Variants in SKOR1 observed in about 807,000 individuals in gnomAD.
SKOR1 encodes the protein SKI family transcriptional corepressor 1.
In SKOR1, 38 loss-of-function variants were observed where a neutral mutation model predicts 72.4. The observed-to-expected ratio is 0.52, with a 90% CI of 0.40 to 0.69. SKOR1 has a LOEUF of 0.69. Among genes scored for constraint, SKOR1 ranks in the 30% least tolerant of loss-of-function variants. The pLI is 0.00. For missense variants in SKOR1, 1,320 were observed against 1,343.2 expected, an observed-to-expected ratio of 0.98 and a Z score of 0.27; for synonymous variants, 642 against 599.4, an observed-to-expected ratio of 1.07 and a Z score of -1.04.
rs1271915058 is a variant in SKOR1, at chr15:67,827,873, C to T, written c.2045C>T (p.Ala682Val). The T allele has an allele frequency of 2.5e-6, 4 of 1,601,184 alleles. No homozygotes were observed. The highest frequency in any genetic ancestry group is 2.7e-5 in the African/African-American group (2 of 74,816). ...GCCCAAGAGGAGACCGAGCCCAGCG[C>T]ACCCAGCGCAGGGGGCGGCCCAGAC... is the stretch of plus-strand genomic sequence containing the variant. ...EDAQEETEPS[A>V]PSAGGGPDGE... Residue 682 changes from alanine (A) to valine (V), a missense_variant, in exon 2 of 9, where the codon GCA becomes GTA. Ala to Val is a moderately conservative substitution (Grantham distance 64, BLOSUM62 0). Around this residue, in one of 3 missense-constraint regions of SKOR1, gnomAD observed 1,099 missense variants for 1,025.5 expected, o/e 1.07. Coordinates refer to ENST00000380035, the MANE Select transcript of SKOR1 (RefSeq NM_001365915.1).
Position 67,827,974 on chromosome 15 carries a change from A to C in SKOR1, c.2146A>C (p.Ser716Arg). ...DGPANSPDGG[S>R]PRPRRRLGPP... ...TCCCGCAAACTCTCCCGACGGCGGC[A>C]GCCCCCGCCCCCGGCGCCGCCTCGG... Residue 716 changes from serine to arginine, a missense_variant, in exon 2 of 9, where the codon AGC becomes CGC. Physicochemically the swap from Ser to Arg is moderately radical, Grantham distance 110. This residue lies in a region of SKOR1 where 1,099 missense variants were observed against 1,025.5 expected (regional missense o/e 1.07). Coordinates refer to ENST00000380035, the MANE Select transcript of SKOR1 (RefSeq NM_001365915.1). The C allele has an allele frequency of 6.5e-7, 1 of 1,540,452 alleles. No homozygotes were observed. The highest frequency in any genetic ancestry group is 8.7e-7 in the Non-Finnish European group (1 of 1,145,704).
In SKOR1 at chr15:67,833,944, T is replaced by A; in HGVS notation, c.*108T>A. On this transcript the variant is annotated 3_prime_UTR_variant, in exon 9 of 9. Coordinates refer to ENST00000380035, the MANE Select transcript of SKOR1 (RefSeq NM_001365915.1). The surrounding 1 kb of genome is among the most constrained non-coding windows in gnomAD (Gnocchi z 6.0). ...ACAAGCCATTCGGACCCGACCGATG[T>A]AAATACAGCCGCCCGTCCGCCCGCC... 1 of 1,219,858 alleles carries A rather than the reference T, an allele frequency of 8.2e-7. No homozygotes were observed. The highest frequency in any genetic ancestry group is 1.2e-6 in the Non-Finnish European group (1 of 844,394). The allele number at this position is 1,219,858 out of a possible 1,614,324, so 75.6% of individuals were successfully genotyped here.
chr15:67,828,200 A>T lies in SKOR1; in HGVS notation c.2316+56A>T, dbSNP rs943931937. 39 of 1,373,668 alleles carry T rather than the reference A, an allele frequency of 2.8e-5. No individual in the cohort carries two copies. In the South Asian group the frequency reaches 6.1e-4, roughly 22 times the overall value. 85.1% of individuals were successfully genotyped at this position (1,373,668 alleles called of 1,614,324 possible). ...CCTTCCCACCTACCCTGTGCGCGGC[A>T]GGGCTGCGGGGCCGGGCGGAGAACG... is the stretch of plus-strand genomic sequence containing the variant. On this transcript the variant is annotated intron_variant, in intron 2 of 8. Coordinates refer to ENST00000380035, the MANE Select transcript of SKOR1 (RefSeq NM_001365915.1).
At position 67,827,863 on chromosome 15, in the gene SKOR1, G is replaced by C. The variant is rs374790671; in HGVS notation, c.2035G>C (p.Glu679Gln). Residue 679 changes from glutamate to glutamine, a missense_variant, in exon 2 of 9, where the codon GAG becomes CAG. This residue lies in a region of SKOR1 where 1,099 missense variants were observed against 1,025.5 expected (regional missense o/e 1.07). Transcript: ENST00000380035. Reference protein sequence around the residue: ...PDDEDAQEETEPSAPSAGGGP... With the variant: ...PDDEDAQEETQPSAPSAGGGP... ...CGACGAGGACGCCCAAGAGGAGACC[G>C]AGCCCAGCGCACCCAGCGCAGGGGG... 1.9e-5 allele frequency: 30 copies of C among 1,600,994 alleles called. No homozygotes were observed. In the African/African-American group the frequency reaches 3.3e-4, roughly 18 times the overall value.
intron 2 of SKOR1, 145 bp from the exon 3 acceptor site, chr15:67,829,034 C>A (rs984431102): frequency 1.5e-6 from 1 of 666,720 alleles, no homozygotes; most frequent in Non-Finnish European, 2.5e-6. Context: ...GCGCCGCGTG[C>A]GTCACTGTGC....
At position 67,834,519 on chromosome 15, in the gene SKOR1, TACCCGTG is replaced by T. The variant is rs1361584950; in HGVS notation, c.*686_*692del. On this transcript the variant is annotated 3_prime_UTR_variant, in exon 9 of 9. Transcript: ENST00000380035. This position sits in a 1 kb window ranked among gnomAD's most constrained non-coding sequence, Gnocchi z 5.8. ...GAGCCTGTTTGGGGAGACCACCCTG[TACCCGTG>T]ACTTTCGTTTTTAATAATAATAATA... 2.0e-5 allele frequency: 3 copies of T among 150,044 alleles called. No homozygotes were observed. Among genetic ancestry groups the T allele is most frequent in the Non-Finnish European group, 4.4e-5 (3 of 67,720 alleles). The allele number at this position is 150,044 out of a possible 1,614,324, so 9.3% of individuals were successfully genotyped here. A position where few individuals can be genotyped will look rare whatever the true frequency, so the allele number is the denominator to read the frequency against.
chr15:67,830,216 G>A lies in SKOR1; in HGVS notation c.2433G>A (p.Ser811=). ...AGCCAGATAAGGAAGACAATCACTC[G>A]CCCGCCGATGATTTGGAAACGAGGA... ...AHEPDKEDNH[S]PADDLETRKS... Residue 811 remains serine (S), a synonymous_variant, in exon 4 of 9, where the codon TCG becomes TCA. Transcript: ENST00000380035. The A allele has an allele frequency of 6.2e-7, 1 of 1,614,056 alleles. No homozygotes were observed.
rs1426193442 is a variant in SKOR1 at position 67,827,700 on chromosome 15, G to C, written c.1872G>C (p.Pro624=). 1 of 1,538,388 alleles carries C rather than the reference G, an allele frequency of 6.5e-7. No individual in the cohort carries two copies. Among genetic ancestry groups the C allele is most frequent in the South Asian group, 1.2e-5 (1 of 82,680 alleles). The change falls in exon 2 of 9, where the codon CCG becomes CCC. Residue 624 remains proline, a synonymous_variant. Coordinates refer to ENST00000380035, the MANE Select transcript of SKOR1 (RefSeq NM_001365915.1). ...EAYGAGPARG[P]GPGAGSGGYV... Reference sequence around the variant, plus strand: ...ACGGCGCGGGGCCTGCTCGGGGGCCGGGACCCGGCGCTGGGAGCGGCGGCT... The same window carrying C: ...ACGGCGCGGGGCCTGCTCGGGGGCCCGGACCCGGCGCTGGGAGCGGCGGCT...
Position 67,832,604 on chromosome 15 carries a change from C to T in SKOR1, c.2663-3C>T. On this transcript the variant is annotated splice_polypyrimidine_tract_variant and splice_region_variant and intron_variant, in intron 6 of 8. Coordinates refer to ENST00000380035, the MANE Select transcript of SKOR1 (RefSeq NM_001365915.1). The surrounding 1 kb of genome is among the most constrained non-coding windows in gnomAD (Gnocchi z 4.5). ...ACAGCTCTCACTTAATCAATTTGCA[C>T]AGATAATTTTCAGGATCAAATGAAG... is the stretch of plus-strand genomic sequence containing the variant. 1 of 1,613,560 alleles carries T rather than the reference C, an allele frequency of 6.2e-7. No homozygotes were observed. Among genetic ancestry groups the T allele is most frequent in the Non-Finnish European group, 8.5e-7 (1 of 1,179,700 alleles).
Position 67,827,594 on chromosome 15 carries a change from G to T in SKOR1, c.1766G>T (p.Gly589Val), listed in dbSNP as rs1490022398. 7 of 1,526,926 alleles carry T rather than the reference G, an allele frequency of 4.6e-6. No homozygotes were observed. In the Admixed American group the frequency reaches 6.0e-5, roughly 13 times the overall value. 94.6% of individuals were successfully genotyped at this position (1,526,926 alleles called of 1,614,324 possible). A position where few individuals can be genotyped will look rare whatever the true frequency, so the allele number is the denominator to read the frequency against. ...PPPPPPPARK[G>V]SYVSAFRPVV... ...CCGCCCCCGCCGCCCGCACGCAAAG[G>T]CTCCTACGTGTCGGCCTTCCGGCCG... is the stretch of plus-strand genomic sequence containing the variant. Residue 589 changes from glycine to valine, a missense_variant, in exon 2 of 9, where the codon GGC becomes GTC. By Grantham distance (109) the Gly-to-Val change is moderately radical. Transcript: ENST00000380035.
Position 67,827,739 on chromosome 15 carries a change from C to T in SKOR1, c.1911C>T (p.Asp637=). 6.5e-7 allele frequency: 1 copy of T among 1,547,868 alleles called. No homozygotes were observed. The highest frequency in any genetic ancestry group is 1.2e-5 in the South Asian group (1 of 84,000). ...GAGSGGYVSP[D]FLSEGSSSYN... is the part of the protein sequence containing the mutation. ...GGAGCGGCGGCTACGTGAGCCCGGA[C>T]TTTCTGAGCGAGGGCAGCTCCAGCT... The change falls in exon 2 of 9, where the codon GAC becomes GAT. Residue 637 remains aspartate (D), a synonymous_variant. Coordinates refer to ENST00000380035, the MANE Select transcript of SKOR1 (RefSeq NM_001365915.1).
Position 67,832,671 on chromosome 15 carries a change from A to C in SKOR1, c.2727A>C (p.Gln909His), listed in dbSNP as rs1410450201. The change falls in exon 7 of 9, where the codon CAA becomes CAC. Residue 909 changes from glutamine to histidine, a missense_variant. Gln to His is a conservative substitution (Grantham distance 24, BLOSUM62 0). Around this residue, in one of 3 missense-constraint regions of SKOR1, gnomAD observed 1,099 missense variants for 1,025.5 expected, o/e 1.07. Coordinates refer to ENST00000380035, the MANE Select transcript of SKOR1 (RefSeq NM_001365915.1). This position sits in a 1 kb window ranked among gnomAD's most constrained non-coding sequence, Gnocchi z 4.5. Reference sequence around the variant, plus strand: ...GAGAAGAAATGGTGCAACAGCTGCAAATTGTCAGAGGTAAGACGGGAGTCA... The same window carrying C: ...GAGAAGAAATGGTGCAACAGCTGCACATTGTCAGAGGTAAGACGGGAGTCA... ...AYREEMVQQL[Q>H]IVRDTLCNEL... 2 of 1,614,058 alleles carry C rather than the reference A, an allele frequency of 1.2e-6. No individual in the cohort carries two copies. Among genetic ancestry groups the C allele is most frequent in the Non-Finnish European group, 1.7e-6 (2 of 1,179,980 alleles).
chr15:67,827,167 C>A lies in SKOR1; in HGVS notation c.1339C>A (p.Pro447Thr). Reference protein sequence around the residue: ...GAGGPGASHLPPGAGAGPGGG... With the variant: ...GAGGPGASHLTPGAGAGPGGG... ...GGGGGGCCCGGGAGCCAGCCACTTG[C>A]CCCCGGGGGCAGGGGCGGGCCCGGG... is the stretch of plus-strand genomic sequence containing the variant. Residue 447 changes from proline (P) to threonine (T), a missense_variant, in exon 2 of 9, where the codon CCC becomes ACC. By Grantham distance (38) the Pro-to-Thr change is conservative. Transcript: ENST00000380035. The A allele has an allele frequency of 7.4e-7, 1 of 1,350,224 alleles. No homozygotes were observed. The highest frequency in any genetic ancestry group is 2.0e-5 in the South Asian group (1 of 50,094). The allele number at this position is 1,350,224 out of a possible 1,614,324, so 83.6% of individuals were successfully genotyped here. A position where few individuals can be genotyped will look rare whatever the true frequency, so the allele number is the denominator to read the frequency against.
chr15:67,828,563 C>G (rs1021539164), intron 2 of SKOR1, among the ~76,000 whole-genome samples: 2 of 152,218 alleles, frequency 1.3e-5, no homozygotes, highest in Admixed American at 6.5e-5. Context: ...ACAGTGTGGC[C>G]TCTCCCTGAG....
In SKOR1 at chr15:67,833,245, C is replaced by A. The variant is rs2091022550; in HGVS notation, c.2791C>A (p.Gln931Lys). The change falls in exon 8 of 9, where the codon CAG (glutamine) becomes AAG (lysine). Residue 931 changes from glutamine to lysine, a missense_variant. Coordinates refer to ENST00000380035, the MANE Select transcript of SKOR1 (RefSeq NM_001365915.1). The surrounding 1 kb of genome is among the most constrained non-coding windows in gnomAD (Gnocchi z 6.0). ...GCGGAAGGCGCGCTATGCCATCCAG[C>A]AGAAATTGAAAGGTGCGGAAGCCGG... The part of the protein sequence containing the change: ...QERKARYAIQ[Q>K]KLKEAHDALH... 1 of 1,613,928 alleles carries A rather than the reference C, an allele frequency of 6.2e-7. No individual in the cohort carries two copies.
At position 67,828,082 on chromosome 15, in the gene SKOR1, G is replaced by A. The variant is rs972022537; in HGVS notation, c.2254G>A (p.Gly752Ser). ...GAGACCTGAGAGGAGCCCGCCAAGC[G>A]GCGGCGGCGGCTACGAGCTGCGAGA... Reference protein sequence around the residue: ...VRRPERSPPSGGGGYELREPC... With the variant: ...VRRPERSPPSSGGGYELREPC... The change falls in exon 2 of 9, where the codon GGC (glycine) becomes AGC (serine). Residue 752 changes from glycine (G) to serine (S), a missense_variant. By Grantham distance (56) the Gly-to-Ser change is moderately conservative (BLOSUM62 0). Around this residue, in one of 3 missense-constraint regions of SKOR1, gnomAD observed 1,099 missense variants for 1,025.5 expected, o/e 1.07. Transcript: ENST00000380035. The A allele has an allele frequency of 2.0e-6, 3 of 1,478,506 alleles. No individual in the cohort carries two copies. Among genetic ancestry groups the A allele is most frequent in the Non-Finnish European group, 2.7e-6 (3 of 1,116,526 alleles). The allele number at this position is 1,478,506 out of a possible 1,614,324, so 91.6% of individuals were successfully genotyped here.
At position 67,832,712 on chromosome 15, in the gene SKOR1, G is replaced by GGGCC. The variant is rs2091018259; in HGVS notation, c.2737+33_2737+36dup. On this transcript the variant is annotated intron_variant, in intron 7 of 8. Transcript: ENST00000380035. The surrounding 1 kb of genome is among the most constrained non-coding windows in gnomAD (Gnocchi z 4.5). ...ACGGGAGTCAGGTGAGCTCGTGCAC[G>GGGCC]GGCCGTAACTGCCTCTCGTCTGGCA... 1 of 1,586,442 alleles carries GGGCC rather than the reference G, an allele frequency of 6.3e-7. No homozygotes were observed. Among genetic ancestry groups the GGGCC allele is most frequent in the South Asian group, 1.1e-5 (1 of 90,426 alleles).
rs766066886 is a variant in SKOR1 at position 67,826,936 on chromosome 15, C to G, written c.1108C>G (p.Arg370Gly). 1.3e-6 allele frequency: 2 copies of G among 1,583,306 alleles called. No homozygotes were observed. Among genetic ancestry groups the G allele is most frequent in the East Asian group, 2.3e-5 (1 of 43,156 alleles). Residue 370 changes from arginine to glycine, a missense_variant, in exon 2 of 9, where the codon CGA becomes GGA. By Grantham distance (125) the Arg-to-Gly change is moderately radical. Around this residue, in one of 3 missense-constraint regions of SKOR1, gnomAD observed 1,099 missense variants for 1,025.5 expected, o/e 1.07. Coordinates refer to ENST00000380035, the MANE Select transcript of SKOR1 (RefSeq NM_001365915.1). The stretch of plus-strand genomic sequence containing the variant: ...AGGGCCCGGTGGCGGCGCCGGCGTA[C>G]GAAGCTACCCGGTGATCCCGGTGCC... ...PGGPGGGAGV[R>G]SYPVIPVPSK...
rs562925434 is a variant in SKOR1 at position 67,826,914 on chromosome 15, G to C, written c.1086G>C (p.Gly362=). The change falls in exon 2 of 9, where the codon GGG becomes GGC. Residue 362 remains glycine, a synonymous_variant. Transcript: ENST00000380035. ...TGASGPAGPG[G]PGGGAGVRSY... ...CTAGTGGCCCGGCGGGCCCAGGAGG[G>C]CCCGGTGGCGGCGCCGGCGTACGAA... 6.4e-7 allele frequency: 1 copy of C among 1,558,998 alleles called. No individual in the cohort carries two copies. The highest frequency in any genetic ancestry group is 2.4e-5 in the East Asian group (1 of 41,640).
Sources: gnomAD v4.1 joint callset for allele counts (sites outside exome capture counted in the v4.1 genomes callset) on GRCh38, gnomAD v4.1.1 for gene constraint, gnomAD v4.1.1 regional missense constraint, Gnocchi (gnomAD v3.1) non-coding constraint, MANE v1.5 for transcripts, NCBI Gene and HGNC (gene_info 2026-07-23, HGNC 2026-07-21) for gene names.